The following ADAT1 variants were observed in gnomAD, a reference collection of about 807,000 sequenced individuals.
The protein encoded by ADAT1 is adenosine deaminase tRNA specific 1.
Under a neutral mutation model 58.6 loss-of-function variants are expected in ADAT1, and 58 were observed. The observed-to-expected ratio is 0.99, with a 90% CI of 0.80 to 1.23. ADAT1 has a LOEUF of 1.23. Ranked by LOEUF, ADAT1 falls within the 50% of genes most tolerant of loss-of-function variation. ADAT1 has a pLI of 0.00. For synonymous variants in ADAT1, 254 were observed against 220.8 expected (o/e 1.15, Z -1.33); for missense variants, 741 against 608.6 (o/e 1.22, Z -2.29).
chr16:75,620,669 G>C lies in ADAT1; in HGVS notation c.131C>G (p.Ala44Gly), dbSNP rs1439668931. Residue 44 changes from alanine (A) to glycine (G), a missense_variant, in exon 2 of 10, where the codon GCT (alanine) becomes GGT (glycine). Coordinates refer to ENST00000564657, the MANE Select transcript of ADAT1 (RefSeq NM_001324445.2). ...LAAVVKIQSPADKACDTPDKP... is the reference protein window; with the variant it reads ...LAAVVKIQSPGDKACDTPDKP... ...ATCAGGGGTGTCGCAGGCCTTGTCA[G>C]CTGGAGATTGTATCTTCACCACCGC... is the stretch of plus-strand genomic sequence containing the variant. 1.9e-6 allele frequency: 3 copies of C among 1,613,674 alleles called. No individual in the cohort carries two copies. The African/African-American group carries it at 4.0e-5, about 22-fold the overall frequency.
Position 75,612,435 on chromosome 16 carries a change from A to G in ADAT1, c.851T>C (p.Leu284Pro), listed in dbSNP as rs2081569055. The part of the protein sequence containing the change: ...PGAAFHQVGL[L>P]RVKPGRGDRT... The stretch of plus-strand genomic sequence containing the variant: ...GTCTCCACGGCCTGGCTTCACTCGG[A>G]GCAGCCCCACCTGGTGAAACGCAGC... Residue 284 changes from leucine (L) to proline (P), a missense_variant, in exon 6 of 10, where the codon CTC (leucine) becomes CCC (proline). Coordinates refer to ENST00000564657, the MANE Select transcript of ADAT1 (RefSeq NM_001324445.2). 1 of 1,614,088 alleles carries G rather than the reference A, an allele frequency of 6.2e-7. No homozygotes were observed. Among genetic ancestry groups the G allele is most frequent in the Non-Finnish European group, 8.5e-7 (1 of 1,180,040 alleles).
At position 75,620,137 on chromosome 16, in the gene ADAT1, G is replaced by A. The variant is rs962428971; in HGVS notation, c.238+129C>T. The A allele has an allele frequency of 1.1e-5, 10 of 870,188 alleles. No homozygotes were observed. The African/African-American group carries it at 1.5e-4, about 13-fold the overall frequency. 53.9% of individuals were successfully genotyped at this position (870,188 alleles called of 1,614,324 possible). ...CAAGTGAGTACGGTCCTTCCAACTG[G>A]ACTGATAGTCAGTAGGAAACAAATG... On this transcript the variant is annotated intron_variant, in intron 3 of 9. Transcript: ENST00000564657.
intron 1 of ADAT1, among the ~76,000 whole-genome samples, chr16:75,621,945 C>T (rs1464176737): frequency 6.6e-6 from 1 of 152,126 alleles, no homozygotes. Context: ...GTCAGGAGTT[C>T]GAGGCCAGCC....
At position 75,598,882 on chromosome 16, in the gene ADAT1, T is replaced by C. The variant is rs2081144427; in HGVS notation, c.*1334A>G. On this transcript the variant is annotated 3_prime_UTR_variant, in exon 10 of 10. Coordinates refer to ENST00000564657, the MANE Select transcript of ADAT1 (RefSeq NM_001324445.2). ...TTATGGTCTGTGAATTATATCTCAA[T>C]ACAACTGTTATTTAAAAATATTTAT... The C allele has an allele frequency of 1.0e-6, 1 of 982,478 alleles. No individual in the cohort carries two copies. Among genetic ancestry groups the C allele is most frequent in the African/African-American group, 1.8e-5 (1 of 57,118 alleles). The allele number at this position is 982,478 out of a possible 1,614,324, so 60.9% of individuals were successfully genotyped here. A position where few individuals can be genotyped will look rare whatever the true frequency, so the allele number is the denominator to read the frequency against.
rs1385839749 is a variant in ADAT1, at chr16:75,610,038, G to A, written c.1044-1050C>T. On this transcript the variant is annotated intron_variant, in intron 6 of 9. Transcript: ENST00000564657. Reference sequence around the variant, plus strand: ...TACTAAGCTATTATCTGTCTTTATGGATTTGCCTGTTCTAGATATTACACA... The same window carrying A: ...TACTAAGCTATTATCTGTCTTTATGAATTTGCCTGTTCTAGATATTACACA... 2.0e-5 allele frequency among the ~76,000 whole-genome samples: 3 copies of A among 152,168 alleles called. No individual in the cohort carries two copies. The South Asian group carries it at 6.2e-4, about 32-fold the overall frequency.
rs562273257 is a variant in ADAT1 at position 75,597,844 on chromosome 16, A to G, written c.*2372T>C. Among the ~76,000 whole-genome samples, 4 of 152,276 alleles carry G rather than the reference A, an allele frequency of 2.6e-5. No homozygotes were observed. Among genetic ancestry groups the G allele is most frequent in the African/African-American group, 9.6e-5 (4 of 41,542 alleles). On this transcript the variant is annotated 3_prime_UTR_variant, in exon 10 of 10. Transcript: ENST00000564657. ...CCACTGCTGGTATGACAGGAGGAGGAGCTACGGCAGAAATGTGAGCGATGG... is the reference window on the plus strand; with the variant it reads ...CCACTGCTGGTATGACAGGAGGAGGGGCTACGGCAGAAATGTGAGCGATGG...
chr16:75,612,785 G>T lies in ADAT1; in HGVS notation c.501C>A (p.His167Gln), dbSNP rs200524721. The part of the protein sequence containing the change: ...PCCPVFRNWA[H>Q]NSSVEASSNL... Reference sequence around the variant, plus strand: ...TACTACTGGCTTCTACTGATGAGTTGTGGGCCCAATTTCTGAAGACAGGAC... The same window carrying T: ...TACTACTGGCTTCTACTGATGAGTTTTGGGCCCAATTTCTGAAGACAGGAC... The change falls in exon 6 of 10, where the codon CAC becomes CAA. Residue 167 changes from histidine to glutamine, a missense_variant. Transcript: ENST00000564657. The T allele has an allele frequency of 6.2e-7, 1 of 1,614,014 alleles. No homozygotes were observed. Among genetic ancestry groups the T allele is most frequent in the East Asian group, 2.2e-5 (1 of 44,872 alleles).
intron 8 of ADAT1, among the ~76,000 whole-genome samples, chr16:75,605,084 A>G (rs1205641072): frequency 6.6e-6 from 1 of 151,820 alleles, no homozygotes; most frequent in Non-Finnish European, 1.5e-5. Context: ...ATTCCTTATG[A>G]TTTTCTTTTC....
intron 8 of ADAT1, among the ~76,000 whole-genome samples, chr16:75,605,895 C>T (rs2081355197): frequency 7.1e-6 from 1 of 140,702 alleles, no homozygotes; most frequent in Non-Finnish European, 1.5e-5. Flanking sequence ...CAAGATCGTG[C>T]TACTGTACTC....
At chr16:75,615,950 T>C (rs1358944644) in intron 5 of ADAT1, among the ~76,000 whole-genome samples, 1 of 152,148 alleles carries the variant, frequency 6.6e-6, no homozygotes, top group African/African-American at 2.4e-5. Context: ...CCTGTCATTT[T>C]TCTGGGCTTT....
Position 75,620,895 on chromosome 16 carries a change from T to C in ADAT1, c.-21-75A>G, listed in dbSNP as rs536109294. The C allele has an allele frequency of 8.2e-5, 106 of 1,299,924 alleles. No homozygotes were observed. In the African/African-American group the frequency reaches 1.5e-3, roughly 18 times the overall value. 80.5% of individuals were successfully genotyped at this position (1,299,924 alleles called of 1,614,324 possible). Reference sequence around the variant, plus strand: ...ACGATGCTACAGCCTCTCATATCCATGCTTCGAGTCTTTCAAATGGAGCAG... The same window carrying C: ...ACGATGCTACAGCCTCTCATATCCACGCTTCGAGTCTTTCAAATGGAGCAG... On this transcript the variant is annotated intron_variant, in intron 1 of 9. Transcript: ENST00000564657.
intron 3 of ADAT1, chr16:75,619,490 T>C (rs1461825496): frequency 4.9e-6 from 2 of 404,398 alleles, no homozygotes; most frequent in South Asian, 1.8e-5. Flanking sequence ...TGAGCTATGA[T>C]AGTACCACCG....
At chr16:75,607,775 T>C (rs2081410540) in intron 8 of ADAT1, among the ~76,000 whole-genome samples, 1 of 152,132 alleles carries the variant, frequency 6.6e-6, no homozygotes, top group African/African-American at 2.4e-5. Flanking sequence ...AAGTGGTACA[T>C]GAAATGTTCA....
At chr16:75,618,509 CAAA>C (rs535021597) in intron 4 of ADAT1, 74 bp downstream of exon 4, 2,460 of 775,444 alleles carry the variant, frequency 3.2e-3, no homozygotes, top group Non-Finnish European at 3.6e-3. Context: ...CTGTCCCCCC[CAAA>C]AAAAAAAAAA....
intron 4 of ADAT1, 134 bp downstream of exon 4, chr16:75,618,452 G>A: frequency 2.1e-6 from 1 of 484,404 alleles, no homozygotes; most frequent in African/African-American, 2.0e-5. Context: ...GTTGCAGTGA[G>A]CTGAGATCAT....
Position 75,597,384 on chromosome 16 carries a change from C to A in ADAT1, c.*2832G>T, listed in dbSNP as rs541540022. 1.1e-5 allele frequency: 5 copies of A among 451,284 alleles called. No homozygotes were observed. The highest frequency in any genetic ancestry group is 2.2e-5 in the Non-Finnish European group (5 of 224,582). The allele number at this position is 451,284 out of a possible 1,614,324, so 28.0% of individuals were successfully genotyped here. A position where few individuals can be genotyped will look rare whatever the true frequency, so the allele number is the denominator to read the frequency against. ...CAAGCCAAGGACTGCCAGGAGCCAT[C>A]AGAAGCTAAGGAGGAAGCATGAAAG... On this transcript the variant is annotated 3_prime_UTR_variant, in exon 10 of 10. Coordinates refer to ENST00000564657, the MANE Select transcript of ADAT1 (RefSeq NM_001324445.2).
At chr16:75,613,663 A>T (rs894001615) in intron 5 of ADAT1, among the ~76,000 whole-genome samples, 1 of 152,114 alleles carries the variant, frequency 6.6e-6, no homozygotes, top group South Asian at 2.1e-4. Context: ...TGTCCTGTAC[A>T]TTACGGAATA....
At position 75,597,607 on chromosome 16, in the gene ADAT1, C is replaced by T. The variant is rs1368857453; in HGVS notation, c.*2609G>A. ...CACTGTATTTCTATTATTATTACAT[C>T]GTAATACATGATGAAATAATTATAC... On this transcript the variant is annotated 3_prime_UTR_variant, in exon 10 of 10. Coordinates refer to ENST00000564657, the MANE Select transcript of ADAT1 (RefSeq NM_001324445.2). Among the ~76,000 whole-genome samples the T allele has an allele frequency of 6.6e-6, 1 of 152,058 alleles. No individual in the cohort carries two copies. The highest frequency in any genetic ancestry group is 2.1e-4 in the South Asian group (1 of 4,818).
intron 6 of ADAT1, among the ~76,000 whole-genome samples, chr16:75,611,120 A>G (rs115184654): frequency 0.013 from 1,990 of 152,322 alleles, 52 homozygotes; most frequent in African/African-American, 0.044. Context: ...TGTCACTACA[A>G]AAACATTCTG....
Sources: gnomAD v4.1 joint callset for allele counts (sites outside exome capture counted in the v4.1 genomes callset) on GRCh38, gnomAD v4.1.1 for gene constraint, MANE v1.5 for transcripts, NCBI Gene and HGNC (gene_info 2026-07-23, HGNC 2026-07-21) for gene names.